Variants in PACS1 observed in about 807,000 individuals in gnomAD.
The protein encoded by PACS1 is PACS-1.
PACS1 carries 24 observed loss-of-function variants against 115.0 expected under a neutral mutation model. The ratio of observed to expected loss-of-function variants is 0.21; its 90% CI spans 0.15 to 0.29. The LOEUF (loss-of-function observed/expected upper bound fraction) is 0.29. PACS1 is among the 10% of genes least tolerant of loss of function. The probability of loss-of-function intolerance (pLI) is 1.00; values close to 1 mark genes in which losing one functional copy is unlikely to be tolerated. For missense variants in PACS1, 838 were observed against 1,251.2 expected, an observed-to-expected ratio of 0.67 and a Z score of 4.98; for synonymous variants, 453 against 504.5, an observed-to-expected ratio of 0.90 and a Z score of 1.37.
At chr11:66,202,742 A>AT (rs1554988696) in intron 2 of PACS1, among the ~76,000 whole-genome samples, 5 of 71,590 alleles carry the variant, frequency 7.0e-5, no homozygotes, top group Admixed American at 1.8e-4. Flanking sequence ...AAAAAAAAAA[A>AT]ATATATATAT....
Position 66,232,105 on chromosome 11 carries a change from CCAG to C in PACS1, c.1627-62_1627-60del, listed in dbSNP as rs1855608427. 3.7e-5 allele frequency: 36 copies of C among 964,776 alleles called. 1 individual carries two copies. The South Asian group carries it at 4.9e-4, about 13-fold the overall frequency. The allele number at this position is 964,776 out of a possible 1,614,324, so 59.8% of individuals were successfully genotyped here. ...CTCCAGAGACTCCCCATGCACCAGT[CCAG>C]CAGCCCTGTCCTCAGGCTCCCCAGG... On this transcript the variant is annotated intron_variant, in intron 13 of 23. Transcript: ENST00000320580.
intron 1 of PACS1, among the ~76,000 whole-genome samples, chr11:66,167,258 T>G (rs1181573950): frequency 1.3e-5 from 2 of 150,218 alleles, no homozygotes; most frequent in African/African-American, 2.5e-5. Context: ...AGTCTTTTTC[T>G]TACTGACTTA....
At chr11:66,231,296 A>G (rs1277382897) in intron 13 of PACS1, among the ~76,000 whole-genome samples, 2 of 152,268 alleles carry the variant, frequency 1.3e-5, no homozygotes, top group African/African-American at 4.8e-5. Flanking sequence ...AGAGGACAGC[A>G]GCCTCTGGAT....
intron 11 of PACS1, among the ~76,000 whole-genome samples, chr11:66,229,211 C>CA (rs386374029): frequency 0.036 from 2,278 of 63,208 alleles, 126 homozygotes; most frequent in African/African-American, 0.13. Flanking sequence ...CCCGTCTCTA[C>CA]AAAAAAAAAA....
intron 4 of PACS1, among the ~76,000 whole-genome samples, chr11:66,214,821 C>A (rs1171009480): frequency 1.3e-5 from 2 of 151,312 alleles, no homozygotes; most frequent in Non-Finnish European, 2.9e-5. Context: ...GGGGTTCCAC[C>A]ATGTTGCTCA....
intron 1 of PACS1, among the ~76,000 whole-genome samples, chr11:66,119,865 G>A (rs1468851267): frequency 6.6e-6 from 1 of 152,144 alleles, no homozygotes; most frequent in Non-Finnish European, 1.5e-5. Flanking sequence ...TAAATGGTAG[G>A]ATTGTTTGGG....
intron 1 of PACS1, among the ~76,000 whole-genome samples, chr11:66,170,507 C>T (rs1337919705): frequency 6.7e-6 from 1 of 150,164 alleles, no homozygotes; most frequent in Non-Finnish European, 1.5e-5. Flanking sequence ...CTTCTTTGAC[C>T]CATGAGTTCT....
intron 1 of PACS1, among the ~76,000 whole-genome samples, chr11:66,096,326 C>T (rs1222270426): frequency 1.3e-5 from 2 of 150,602 alleles, no homozygotes; most frequent in East Asian, 4.0e-4. Context: ...CCACCTGCCT[C>T]AGCCTCCCGA....
chr11:66,213,382 G>A (rs1313580780), intron 4 of PACS1, among the ~76,000 whole-genome samples: 1 of 152,134 alleles, frequency 6.6e-6, no homozygotes, highest in Non-Finnish European at 1.5e-5. Context: ...GTACTTTCTG[G>A]TACAAAACAT....
At position 66,241,498 on chromosome 11, in the gene PACS1, G is replaced by A; in HGVS notation, c.2501G>A (p.Arg834Gln). 10 of 1,613,742 alleles carry A rather than the reference G, an allele frequency of 6.2e-6. No individual in the cohort carries two copies. The highest frequency in any genetic ancestry group is 8.5e-6 in the Non-Finnish European group (10 of 1,179,884). Residue 834 changes from arginine to glutamine, a missense_variant, in exon 22 of 24, where the codon CGG (arginine) becomes CAG (glutamine). Coordinates refer to ENST00000320580, the MANE Select transcript of PACS1 (RefSeq NM_018026.4). ...VDYWLGHPGE[R>Q]RREGDKRDAS... ...TACTGGCTGGGCCACCCCGGGGAGC[G>A]GAGGAGGGAAGGCGACAAGAGGGAC...
chr11:66,234,671 A>G (rs770201864), intron 17 of PACS1, among the ~76,000 whole-genome samples: 30 of 152,184 alleles, frequency 2.0e-4, no homozygotes, highest in Non-Finnish European at 3.8e-4. Context: ...TGAACCCAGG[A>G]GTTCAAGACC....
chr11:66,093,783 C>T (rs1857717655), intron 1 of PACS1, among the ~76,000 whole-genome samples: 1 of 151,612 alleles, frequency 6.6e-6, no homozygotes, highest in Non-Finnish European at 1.5e-5. Context: ...CAAAATTGAC[C>T]ACATAGTTGG....
chr11:66,142,481 A>G (rs1233126166), intron 1 of PACS1, among the ~76,000 whole-genome samples: 1 of 151,248 alleles, frequency 6.6e-6, no homozygotes, highest in Non-Finnish European at 1.5e-5. Flanking sequence ...AATTTTTTGT[A>G]TTTTTTAGTA....
chr11:66,215,910 AT>A (rs1855192703), intron 4 of PACS1, among the ~76,000 whole-genome samples: 4 of 126,460 alleles, frequency 3.2e-5, no homozygotes, highest in African/African-American at 1.1e-4. Flanking sequence ...AAAAATAATA[AT>A]AATAATAATA....
rs747429318 is a variant in PACS1 at position 66,234,116 on chromosome 11, G to A, written c.1994-16G>A. Reference sequence around the variant, plus strand: ...TCTCCTGACGAATTCACCACCTCTGGTTTTCCATCTACCAGGTTCTCACCC... The same window carrying A: ...TCTCCTGACGAATTCACCACCTCTGATTTTCCATCTACCAGGTTCTCACCC... On this transcript the variant is annotated splice_polypyrimidine_tract_variant and intron_variant, in intron 16 of 23. Coordinates refer to ENST00000320580, the MANE Select transcript of PACS1 (RefSeq NM_018026.4). 1.9e-6 allele frequency: 3 copies of A among 1,591,066 alleles called. No homozygotes were observed. The highest frequency in any genetic ancestry group is 2.6e-6 in the Non-Finnish European group (3 of 1,158,984).
chr11:66,090,343 G>T (rs1857640169), intron 1 of PACS1, among the ~76,000 whole-genome samples: 1 of 139,014 alleles, frequency 7.2e-6, no homozygotes, highest in Admixed American at 7.9e-5. Flanking sequence ...CATGATCTCA[G>T]CTCACTGCAG....
At chr11:66,197,619 C>A (rs971844641) in intron 2 of PACS1, among the ~76,000 whole-genome samples, 4 of 152,070 alleles carry the variant, frequency 2.6e-5, no homozygotes, top group Admixed American at 2.6e-4. Flanking sequence ...CACAGCAAGA[C>A]CCCATCTTTA....
intron 1 of PACS1, among the ~76,000 whole-genome samples, chr11:66,156,204 TTATATATA>T (rs61270162): frequency 0.013 from 1,131 of 84,884 alleles, 9 homozygotes; most frequent in South Asian, 0.036. Flanking sequence ...ATTTTTTAAA[TTATATATA>T]TATATATATA....
intron 1 of PACS1, among the ~76,000 whole-genome samples, chr11:66,176,444 A>G (rs1859863283): frequency 1.4e-5 from 2 of 138,228 alleles, no homozygotes; most frequent in East Asian, 4.2e-4. Flanking sequence ...ATGGAGTTTC[A>G]CTCTTGTTGC....
Sources: gnomAD v4.1 joint callset for allele counts (sites outside exome capture counted in the v4.1 genomes callset) on GRCh38, gnomAD v4.1.1 for gene constraint, MANE v1.5 for transcripts, NCBI Gene and HGNC (gene_info 2026-07-23, HGNC 2026-07-21) for gene names.